The following KIAA1671 variants were observed in gnomAD, a reference collection of about 807,000 sequenced individuals.
KIAA1671 encodes KIAA1671.
A neutral mutation model predicts 131.2 loss-of-function variants in KIAA1671; 52 were observed. The ratio of observed to expected loss-of-function variants is 0.40; its 90% CI spans 0.32 to 0.50. KIAA1671 has a LOEUF of 0.50. Ranked by LOEUF, KIAA1671 falls within the 20% of genes least tolerant of loss-of-function variation. KIAA1671 has a pLI of 0.73. For missense variants in KIAA1671, 2,360 were observed against 2,364.2 expected, an observed-to-expected ratio of 1.00 and a Z score of 0.04; for synonymous variants, 1,003 against 961.6, an observed-to-expected ratio of 1.04 and a Z score of -0.80.
In KIAA1671 at chr22:25,142,095, G is replaced by A. The variant is rs577900703; in HGVS notation, c.4531-28725G>A. 2.6e-5 allele frequency among the ~76,000 whole-genome samples: 4 copies of A among 152,294 alleles called. No individual in the cohort carries two copies. The South Asian group carries it at 8.3e-4, about 32-fold the overall frequency. ...GTTCAAGATTAAGAATTCATGAGCTGCCAGTTTCCCCATCAGGCACTTCTG... is the reference window on the plus strand; with the variant it reads ...GTTCAAGATTAAGAATTCATGAGCTACCAGTTTCCCCATCAGGCACTTCTG... On this transcript the variant is annotated intron_variant, in intron 6 of 12. Coordinates refer to ENST00000358431, the MANE Select transcript of KIAA1671 (RefSeq NM_001145206.2).
At chr22:25,004,117 A>AAT (rs1569203679) in intron 1 of KIAA1671, among the ~76,000 whole-genome samples, 2 of 141,136 alleles carry the variant, frequency 1.4e-5, no homozygotes, top group African/African-American at 2.6e-5. Flanking sequence ...GTGCCCGGCC[A>AAT]TTTTTTTTTT....
intron 10 of KIAA1671, 42 bp downstream of exon 10, chr22:25,181,865 C>T (rs1467530772): frequency 1.9e-6 from 3 of 1,545,370 alleles, no homozygotes; most frequent in East Asian, 2.5e-5. Context: ...GGGCATGATC[C>T]TCAACCTTAG....
At chr22:25,072,705 C>A (rs1254147175) in intron 6 of KIAA1671, among the ~76,000 whole-genome samples, 2 of 152,206 alleles carry the variant, frequency 1.3e-5, no homozygotes, top group African/African-American at 2.4e-5. Context: ...GCTTCCTCAT[C>A]TGCAAAGCGA....
intron 6 of KIAA1671, among the ~76,000 whole-genome samples, chr22:25,127,893 C>A (rs578189803): frequency 4.5e-4 from 68 of 152,266 alleles, no homozygotes; most frequent in Non-Finnish European, 8.1e-4. Context: ...GGTTTCTGAG[C>A]TGAATTGTGG....
rs1190082720 is a variant in KIAA1671, at chr22:25,177,454, G to C, written c.5006G>C (p.Ser1669Thr). 1 of 1,551,642 alleles carries C rather than the reference G, an allele frequency of 6.4e-7. No homozygotes were observed. Among genetic ancestry groups the C allele is most frequent in the Non-Finnish European group, 8.7e-7 (1 of 1,147,024 alleles). The change falls in exon 9 of 13, where the codon AGT becomes ACT. Residue 1669 changes from serine (S) to threonine (T), a missense_variant. Physicochemically the swap from Ser to Thr is moderately conservative, Grantham distance 58 (BLOSUM62 1). Around this residue, in one of 3 missense-constraint regions of KIAA1671, gnomAD observed 1,161 missense variants for 1,204.7 expected, o/e 0.96. Coordinates refer to ENST00000358431, the MANE Select transcript of KIAA1671 (RefSeq NM_001145206.2). ...CACTCCCTCCGGCGCAGCCGATTTA[G>C]TGAGTCCGAGAGCAGATCACCTTTG... ...ISHSLRRSRFSESESRSPLED... is the reference protein window; with the variant it reads ...ISHSLRRSRFTESESRSPLED...
chr22:25,122,930 G>A (rs1419594287), intron 6 of KIAA1671, among the ~76,000 whole-genome samples: 6 of 151,934 alleles, frequency 3.9e-5, no homozygotes, highest in East Asian at 3.9e-4. Context: ...AGCTGAGATC[G>A]CGCCACTGCA....
At chr22:25,164,978 C>T (rs865977031) in intron 6 of KIAA1671, among the ~76,000 whole-genome samples, 1 of 116,584 alleles carries the variant, frequency 8.6e-6, no homozygotes, top group Admixed American at 9.2e-5. Context: ...GAGTTGCAGG[C>T]GTGTGTGTGT....
At chr22:25,171,085 A>G (rs1933830479) in intron 7 of KIAA1671, 147 bp downstream of exon 7, 2 of 682,104 alleles carry the variant, frequency 2.9e-6, no homozygotes, top group Non-Finnish European at 5.0e-6. Flanking sequence ...AAAGGAAATT[A>G]GGAAGTACAA....
chr22:25,040,874 G>A lies in KIAA1671; in HGVS notation c.3744G>A (p.Arg1248=), dbSNP rs369260489. Residue 1248 remains arginine, a synonymous_variant, in exon 5 of 13, where the codon AGG becomes AGA. Transcript: ENST00000358431. Reference sequence around the variant, plus strand: ...TGGGCGGGGTGGAGCAGAGAAGGAGGAGCCTGAAGGAGATGCCCGATACCG... The same window carrying A: ...TGGGCGGGGTGGAGCAGAGAAGGAGAAGCCTGAAGGAGATGCCCGATACCG... ...VQLGGVEQRR[R]SLKEMPDTGG... is the part of the protein sequence containing the mutation. The A allele has an allele frequency of 2.0e-6, 3 of 1,533,896 alleles. No homozygotes were observed. In the African/African-American group the frequency reaches 4.2e-5, roughly 21 times the overall value.
chr22:25,116,393 ATG>A (rs1303295751), intron 6 of KIAA1671, among the ~76,000 whole-genome samples: 2 of 112,650 alleles, frequency 1.8e-5, no homozygotes, highest in African/African-American at 3.3e-5. Flanking sequence ...GTATGTATGT[ATG>A]TATGTATGTA....
chr22:25,108,295 C>T (rs1487496844), intron 6 of KIAA1671, among the ~76,000 whole-genome samples: 2 of 152,192 alleles, frequency 1.3e-5, no homozygotes, highest in Non-Finnish European at 2.9e-5. Flanking sequence ...TCCAGATGGT[C>T]TGTTAAAAAG....
intron 6 of KIAA1671, among the ~76,000 whole-genome samples, chr22:25,127,903 G>C (rs549592730): frequency 6.6e-6 from 1 of 152,196 alleles, no homozygotes. Context: ...CTGAATTGTG[G>C]TGAAGCGGCT....
chr22:24,990,181 C>T (rs546899721), intron 1 of KIAA1671, among the ~76,000 whole-genome samples: 2 of 152,168 alleles, frequency 1.3e-5, no homozygotes, highest in African/African-American at 4.8e-5. Context: ...ACCTCTGCCT[C>T]CCGAGTTCAA....
At chr22:25,064,682 G>A (rs1928366540) in intron 6 of KIAA1671, 1 of 152,202 alleles carries the variant, frequency 6.6e-6, no homozygotes, top group Admixed American at 6.5e-5. Context: ...TTGAAGATGG[G>A]CACATGTCTG....
intron 1 of KIAA1671, among the ~76,000 whole-genome samples, chr22:24,972,440 TCATCCACTCATGCATGCACGCATGCATG>T (rs1922670734): frequency 6.6e-6 from 1 of 152,106 alleles, no homozygotes; most frequent in Admixed American, 6.5e-5. Flanking sequence ...ACCTACCCAT[TCATCCACTCATGCATGCACGCATGCATG>T]CATCCATCCA....
intron 11 of KIAA1671, among the ~76,000 whole-genome samples, chr22:25,188,443 A>G (rs1216536885): frequency 7.7e-6 from 1 of 129,448 alleles, no homozygotes; most frequent in Non-Finnish European, 1.6e-5. Flanking sequence ...AACAGAGCCA[A>G]TCGGGTGTGT....
chr22:25,001,272 CATGTGT>C lies in KIAA1671; in HGVS notation c.-207-24354_-207-24349del, dbSNP rs1924468494. On this transcript the variant is annotated intron_variant, in intron 1 of 12. Coordinates refer to ENST00000358431, the MANE Select transcript of KIAA1671 (RefSeq NM_001145206.2). ...GTGTGTATGTGTGTGTATATATATG[CATGTGT>C]ATGTGTGTGCATGTGTATATACATA... 4.0e-5 allele frequency among the ~76,000 whole-genome samples: 6 copies of C among 151,406 alleles called. No individual in the cohort carries two copies. In the South Asian group the frequency reaches 1.3e-3, roughly 32 times the overall value.
chr22:25,095,197 A>G (rs1037254044), intron 6 of KIAA1671, among the ~76,000 whole-genome samples: 8 of 152,308 alleles, frequency 5.3e-5, no homozygotes, highest in Admixed American at 2.0e-4. Context: ...TGGCAGAGGT[A>G]CCATCCAGTT....
At position 25,039,395 on chromosome 22, in the gene KIAA1671, A is replaced by C; in HGVS notation, c.2265A>C (p.Lys755Asn). The change falls in exon 5 of 13, where the codon AAA becomes AAC. Residue 755 changes from lysine to asparagine, a missense_variant. This residue lies in a region of KIAA1671 where 1,185 missense variants were observed against 1,126.2 expected (regional missense o/e 1.05). Coordinates refer to ENST00000358431, the MANE Select transcript of KIAA1671 (RefSeq NM_001145206.2). Reference protein sequence around the residue: ...SEAISPAPEEKAVTLRSLRSW... With the variant: ...SEAISPAPEENAVTLRSLRSW... ...CCATCTCACCGGCACCGGAGGAGAA[A>C]GCGGTCACGCTCCGCAGCCTCAGGT... is the stretch of plus-strand genomic sequence containing the variant. 1 of 1,551,794 alleles carries C rather than the reference A, an allele frequency of 6.4e-7. No homozygotes were observed. The highest frequency in any genetic ancestry group is 2.0e-5 in the Admixed American group (1 of 51,014).
Sources: allele counts gnomAD v4.1 joint callset (sites outside exome capture counted in the v4.1 genomes callset), GRCh38; gene constraint gnomAD v4.1.1; regional missense constraint gnomAD v4.1.1; transcripts MANE v1.5; gene names NCBI Gene and HGNC (gene_info 2026-07-23, HGNC 2026-07-21).